GABRR3: variants seen among roughly 807,000 people sequenced by gnomAD.
GABRR3 encodes gamma-aminobutyric acid receptor subunit rho-3.
A neutral mutation model predicts 43.2 loss-of-function variants in GABRR3; 29 were observed. The ratio of observed to expected loss-of-function variants is 0.67; its 90% CI spans 0.50 to 0.92. GABRR3 has a LOEUF of 0.92. GABRR3 is among the 40% of genes least tolerant of loss of function. The pLI, the probability that GABRR3 is intolerant of heterozygous loss-of-function variation, is 0.00. For missense variants in GABRR3, 576 were observed against 572.3 expected, an observed-to-expected ratio of 1.01 and a Z score of -0.07; for synonymous variants, 206 against 195.9, an observed-to-expected ratio of 1.05 and a Z score of -0.43.
Position 98,012,352 on chromosome 3 carries a change from T to G in GABRR3, c.522A>C (p.Leu174=), listed in dbSNP as rs1210098392. Residue 174 remains leucine (L), a synonymous_variant, in exon 5 of 10, where the codon CTA becomes CTC. Coordinates refer to ENST00000621172, the Ensembl canonical transcript of GABRR3. ...TAGGCAGCTTTCCTTACCTGAGACT[T>G]AGGAGGACGTTTCCATCAGGGTGTA... 8 of 1,613,232 alleles carry G rather than the reference T, an allele frequency of 5.0e-6. No individual in the cohort carries two copies. The African/African-American group carries it at 1.1e-4, about 22-fold the overall frequency.
At chr3:98,028,508 A>G (rs773476388) in intron 2 of GABRR3, among the ~76,000 whole-genome samples, 1 of 152,224 alleles carries the variant, frequency 6.6e-6, no homozygotes, top group Non-Finnish European at 1.5e-5. Flanking sequence ...AGAAAAGTAC[A>G]GCATCATCCG....
chr3:98,021,638 A>G (rs954771036), intron 3 of GABRR3, among the ~76,000 whole-genome samples: 3 of 152,242 alleles, frequency 2.0e-5, no homozygotes, highest in African/African-American at 7.2e-5. Context: ...AATAATTTTT[A>G]GATAATTTTA....
intron 4 of GABRR3, among the ~76,000 whole-genome samples, chr3:98,014,006 C>G (rs1399579263): frequency 6.6e-6 from 1 of 152,030 alleles, no homozygotes. Context: ...TTAAATAGAT[C>G]AAAAGTGAAG....
intron 2 of GABRR3, among the ~76,000 whole-genome samples, chr3:98,034,300 C>T (rs1224735957): frequency 6.6e-6 from 1 of 152,072 alleles, no homozygotes; most frequent in Non-Finnish European, 1.5e-5. Context: ...TAGCTATCTC[C>T]CTTACTAGCA....
At chr3:98,035,223 G>GA in exon 1 of GABRR3, 1 of 506,426 alleles carries the variant, frequency 2.0e-6, no homozygotes, top group Non-Finnish European at 3.4e-6. Flanking sequence ...AAACAAAGCA[G>GA]ATTTTTAAAA....
At chr3:98,024,702 A>C (rs564227232) in intron 3 of GABRR3, among the ~76,000 whole-genome samples, 2 of 152,280 alleles carry the variant, frequency 1.3e-5, no homozygotes, top group South Asian at 4.1e-4. Flanking sequence ...GATTCTCAAA[A>C]GTTGTCAGTT....
At chr3:98,005,111 T>C (rs1216533778) in intron 7 of GABRR3, among the ~76,000 whole-genome samples, 2 of 151,932 alleles carry the variant, frequency 1.3e-5, no homozygotes, top group African/African-American at 4.8e-5. Flanking sequence ...CCAATCTCTG[T>C]CATTAAAAAA....
At chr3:98,001,826 TA>T in intron 7 of GABRR3, 59 bp from the exon 8 acceptor site, 1 of 1,582,804 alleles carries the variant, frequency 6.3e-7, no homozygotes, top group Non-Finnish European at 8.7e-7. Flanking sequence ...ACACTGCACT[TA>T]GTGAAATGAC....
chr3:98,010,262 A>T (rs1306580342), intron 5 of GABRR3, among the ~76,000 whole-genome samples: 2 of 152,224 alleles, frequency 1.3e-5, no homozygotes, highest in Non-Finnish European at 2.9e-5. Context: ...GAGACCAGGA[A>T]CACATTTCCA....
chr3:98,032,783 G>T (rs1427778205), intron 2 of GABRR3, among the ~76,000 whole-genome samples: 1 of 152,052 alleles, frequency 6.6e-6, no homozygotes, highest in Non-Finnish European at 1.5e-5. Flanking sequence ...CCCAAACAAT[G>T]CATATATAAA....
In GABRR3 at chr3:97,986,957, G is replaced by A. The variant is rs780362645; in HGVS notation, c.1130C>T (p.Ala377Val). The change falls in exon 10 of 10, where the codon GCA (alanine) becomes GTA (valine). Residue 377 changes from alanine (A) to valine (V), a missense_variant. Physicochemically the swap from Ala to Val is moderately conservative, Grantham distance 64. Coordinates refer to ENST00000621172, the Ensembl canonical transcript of GABRR3. The stretch of plus-strand genomic sequence containing the variant: ...ACCATCAAAGGCCATAGCTTGAACT[G>A]CATCAATATTGTACATCCTAGAAAT... 6 of 1,604,566 alleles carry A rather than the reference G, an allele frequency of 3.7e-6. No individual in the cohort carries two copies. The East Asian group carries it at 6.7e-5, about 18-fold the overall frequency.
chr3:98,000,090 G>A (rs1353092353), intron 8 of GABRR3: 1 of 152,056 alleles, frequency 6.6e-6, no homozygotes, highest in Non-Finnish European at 1.5e-5. Flanking sequence ...GAATACTACT[G>A]TTCTCTTAAA....
chr3:97,988,313 G>C lies in GABRR3; in HGVS notation c.1105-1331C>G, dbSNP rs573393913. Reference sequence around the variant, plus strand: ...AGCTGGTCTTGAACTCCTGAGCTTAGGCAATCCTTCTGCCTTGGCCTCCGA... The same window carrying C: ...AGCTGGTCTTGAACTCCTGAGCTTACGCAATCCTTCTGCCTTGGCCTCCGA... On this transcript the variant is annotated intron_variant, in intron 9 of 9. Coordinates refer to ENST00000621172, the Ensembl canonical transcript of GABRR3. 4.6e-5 allele frequency among the ~76,000 whole-genome samples: 7 copies of C among 152,166 alleles called. No individual in the cohort carries two copies. In the South Asian group the frequency reaches 1.5e-3, roughly 32 times the overall value.
chr3:98,009,671 C>T (rs969410547), intron 5 of GABRR3, among the ~76,000 whole-genome samples: 3 of 152,164 alleles, frequency 2.0e-5, no homozygotes, highest in Admixed American at 6.5e-5. Context: ...GTACTATGAT[C>T]TTGCCTCAAA....
chr3:97,991,458 C>A (rs1334826910), intron 9 of GABRR3, among the ~76,000 whole-genome samples: 1 of 152,198 alleles, frequency 6.6e-6, no homozygotes, highest in African/African-American at 2.4e-5. Context: ...CTTACACGTG[C>A]ATAGCACTCA....
intron 2 of GABRR3, 77 bp downstream of exon 2, chr3:98,034,786 A>G (rs1052657085): frequency 1.3e-6 from 2 of 1,547,244 alleles, no homozygotes; most frequent in Non-Finnish European, 8.9e-7. Context: ...ATACGTTTCC[A>G]GGTTTCCTGT....
chr3:98,015,463 T>G (rs568665099), intron 4 of GABRR3, among the ~76,000 whole-genome samples: 2 of 152,346 alleles, frequency 1.3e-5, no homozygotes, highest in South Asian at 4.1e-4. Context: ...CCCGAAGTGC[T>G]GGGATTATAG....
At chr3:97,993,089 T>G in intron 8 of GABRR3, 41 bp from the exon 9 acceptor site, 1 of 1,472,944 alleles carries the variant, frequency 6.8e-7, no homozygotes, top group Non-Finnish European at 9.2e-7. Context: ...GATATAGCCA[T>G]TCATTTCCAG....
At chr3:98,001,818 A>G (rs1706647919) in intron 7 of GABRR3, 51 bp from the exon 8 acceptor site, 2 of 1,600,080 alleles carry the variant, frequency 1.2e-6, no homozygotes, top group South Asian at 2.2e-5. Flanking sequence ...CCTTAGAAAC[A>G]CTGCACTTAG....
Sources: allele counts gnomAD v4.1 joint callset (sites outside exome capture counted in the v4.1 genomes callset), GRCh38; gene constraint gnomAD v4.1.1; transcripts MANE v1.5; gene names NCBI Gene and HGNC (gene_info 2026-07-23, HGNC 2026-07-21).